Variants in CD164 observed in about 807,000 individuals in gnomAD.
The protein encoded by CD164 is CD164 molecule.
In CD164, 11 loss-of-function variants were observed where a neutral mutation model predicts 24.6. The ratio of observed to expected loss-of-function variants is 0.45; its 90% confidence interval spans 0.28 to 0.74. CD164 has a LOEUF of 0.74. Among genes scored for constraint, CD164 ranks in the 30% least tolerant of loss-of-function variants. The pLI is 0.13. For missense variants in CD164, 295 were observed against 243.7 expected (o/e 1.21, Z -1.40); for synonymous variants, 126 against 100.3 (o/e 1.26, Z -1.53).
chr6:109,375,181 A>G (rs1166401744), intron 4 of CD164, among the ~76,000 whole-genome samples: 1 of 152,214 alleles, frequency 6.6e-6, no homozygotes, highest in Non-Finnish European at 1.5e-5. Context: ...TGACCTAGAA[A>G]TTCTGTTTGA....
chr6:109,382,373 CGA>C lies in CD164; in HGVS notation c.4_5del (p.Ser2AlafsTer60). The C allele has an allele frequency of 6.5e-7, 1 of 1,540,174 alleles. No homozygotes were observed. The highest frequency in any genetic ancestry group is 8.7e-7 in the Non-Finnish European group (1 of 1,148,786). Reference protein sequence around the residue: MSRLSRSLLWAA... With the variant: MXRLSRSLLWAA... Reference sequence around the variant, plus strand: ...CCCAAAGCAGTGAGCGGGAGAGCCGCGACATCGTGTCCTCAGCGCTGGCGTTC... The same window carrying C: ...CCCAAAGCAGTGAGCGGGAGAGCCGCCATCGTGTCCTCAGCGCTGGCGTTC... On this transcript the variant is annotated frameshift_variant, in exon 1 of 6. Transcript: ENST00000310786. LOFTEE classifies it high-confidence loss of function.
intron 1 of CD164, chr6:109,381,588 T>TG (rs1186141560): frequency 2.8e-6 from 2 of 702,550 alleles, no homozygotes; most frequent in Non-Finnish European, 5.2e-6. Context: ...CTTTGAAGTG[T>TG]GAAGTTTTCA....
intron 1 of CD164, 36 bp from the exon 2 acceptor site, chr6:109,379,698 G>T: frequency 4.9e-6 from 7 of 1,440,980 alleles, no homozygotes; most frequent in South Asian, 1.2e-5. Flanking sequence ...TGAAATCAAT[G>T]ATTTTATTAG....
At chr6:109,378,898 A>AC (rs1554216199) in intron 2 of CD164, among the ~76,000 whole-genome samples, 1 of 151,768 alleles carries the variant, frequency 6.6e-6, no homozygotes, top group Non-Finnish European at 1.5e-5. Context: ...TAAAAAAAAA[A>AC]CCGCCAAAAC....
At chr6:109,373,038 G>C (rs1259643553) in intron 4 of CD164, among the ~76,000 whole-genome samples, 1 of 151,618 alleles carries the variant, frequency 6.6e-6, no homozygotes, top group Non-Finnish European at 1.5e-5. Context: ...GATTCATTAG[G>C]AAAGGTTAAA....
intron 4 of CD164, among the ~76,000 whole-genome samples, chr6:109,375,617 C>CAAAAAAAAAAAGAA (rs1771350430): frequency 1.4e-5 from 1 of 71,388 alleles, no homozygotes; most frequent in Non-Finnish European, 3.5e-5. Flanking sequence ...ACTTCGCTTC[C>CAAAAAAAAAAAGAA]AAAAAAAAAA....
chr6:109,376,829 TTAAAG>T (rs1160546383), intron 3 of CD164, among the ~76,000 whole-genome samples: 1 of 152,232 alleles, frequency 6.6e-6, no homozygotes, highest in African/African-American at 2.4e-5. Flanking sequence ...CTAACACATA[TTAAAG>T]TAATTACTTA....
chr6:109,382,327 G>A lies in CD164; in HGVS notation c.52C>T (p.Leu18Phe), dbSNP rs770909406. ...TTCTTGTCCGCGGACAGCACGCAGA[G>A]CACGCCCAGGCAGGTGGCGGCCCAA... ...LLWAATCLGV[L>F]CVLSADKNTT... Residue 18 changes from leucine to phenylalanine, a missense_variant, in exon 1 of 6, where the codon CTC becomes TTC. By Grantham distance (22) the Leu-to-Phe change is conservative. Transcript: ENST00000310786. The A allele has an allele frequency of 6.4e-7, 1 of 1,571,194 alleles. No homozygotes were observed. The highest frequency in any genetic ancestry group is 1.2e-5 in the South Asian group (1 of 85,694).
At chr6:109,376,379 C>G (rs570397429) in intron 3 of CD164, among the ~76,000 whole-genome samples, 14 of 152,308 alleles carry the variant, frequency 9.2e-5, no homozygotes, top group African/African-American at 3.4e-4. Context: ...CACGCATAAC[C>G]TCTAGGAAGC....
intron 4 of CD164, among the ~76,000 whole-genome samples, chr6:109,375,281 G>C (rs924793673): frequency 6.6e-6 from 1 of 152,018 alleles, no homozygotes; most frequent in Admixed American, 6.5e-5. Context: ...CTCTAATCAA[G>C]AGCAGGATGG....
At chr6:109,380,802 TAC>T (rs1160754863) in intron 1 of CD164, among the ~76,000 whole-genome samples, 2 of 152,180 alleles carry the variant, frequency 1.3e-5, no homozygotes, top group Non-Finnish European at 2.9e-5. Context: ...AACCTTCTCT[TAC>T]ACACACACTA....
chr6:109,373,055 T>C (rs1036673695), intron 4 of CD164, among the ~76,000 whole-genome samples: 4 of 151,802 alleles, frequency 2.6e-5, no homozygotes, highest in Admixed American at 2.6e-4. Flanking sequence ...TAAAAAAAAA[T>C]AATAATAATC....
chr6:109,370,104 C>T (rs1017487536), intron 5 of CD164, among the ~76,000 whole-genome samples: 2 of 152,128 alleles, frequency 1.3e-5, no homozygotes, highest in Non-Finnish European at 2.9e-5. Flanking sequence ...CAATCCCTAA[C>T]GGTAATCAGA....
rs775223140 is a variant in CD164 at position 109,379,678 on chromosome 6, G to C, written c.176-16C>G. 3 of 1,588,030 alleles carry C rather than the reference G, an allele frequency of 1.9e-6. No homozygotes were observed. In the East Asian group the frequency reaches 6.7e-5, roughly 36 times the overall value. On this transcript the variant is annotated splice_polypyrimidine_tract_variant and intron_variant, in intron 1 of 5. Transcript: ENST00000310786. The stretch of plus-strand genomic sequence containing the variant: ...TCACAGGTTTCTGGGGAGTTGGGGG[G>C]AGAGATGCATGAAATCAATGATTTT...
chr6:109,369,329 G>A (rs901371714), intron 5 of CD164, among the ~76,000 whole-genome samples: 1 of 152,186 alleles, frequency 6.6e-6, no homozygotes, highest in Non-Finnish European at 1.5e-5. Flanking sequence ...AATTTCTTCA[G>A]ACTATGTACT....
Position 109,382,229 on chromosome 6 carries a change from G to T in CD164, c.150C>A (p.Leu50=). The T allele has an allele frequency of 6.3e-7, 1 of 1,580,398 alleles. No individual in the cohort carries two copies. The change falls in exon 1 of 6, where the codon CTC becomes CTA. Residue 50 remains leucine, a synonymous_variant. Transcript: ENST00000310786. The part of the protein sequence containing the change: ...SNVTSAPVTS[L]PLVTTPAPET... The stretch of plus-strand genomic sequence containing the variant: ...CTGGTGCCGGAGTGGTGACCAGCGG[G>T]AGGGACGTCACCGGCGCCGAGGTTA...
In CD164 at chr6:109,367,581, TA is replaced by T. The variant is rs1770832220; in HGVS notation, c.*1269del. On this transcript the variant is annotated 3_prime_UTR_variant, in exon 6 of 6. Coordinates refer to ENST00000310786, the MANE Select transcript of CD164 (RefSeq NM_006016.6). ...GTTAAAGTATGCATGCTTATTATAC[TA>T]TGGGAAACCAAGAAGGAAGGGAGAG... 1 of 152,528 alleles carries T rather than the reference TA, an allele frequency of 6.6e-6. No homozygotes were observed. The highest frequency in any genetic ancestry group is 1.5e-5 in the Non-Finnish European group (1 of 67,984). The allele number at this position is 152,528 out of a possible 1,614,324, so 9.4% of individuals were successfully genotyped here.
intron 5 of CD164, 139 bp from the exon 6 acceptor site, chr6:109,369,156 T>C: frequency 1.4e-6 from 1 of 735,750 alleles, no homozygotes; most frequent in South Asian, 1.9e-5. Flanking sequence ...CTAGAATTTA[T>C]CCCTAATTGA....
At chr6:109,370,644 T>G in intron 4 of CD164, 177 bp from the exon 5 acceptor site, 1 of 538,940 alleles carries the variant, frequency 1.9e-6, no homozygotes, top group Non-Finnish European at 3.3e-6. Flanking sequence ...AATACTAGGA[T>G]TTAAGTGTAT....
Sources: gnomAD v4.1 joint callset for allele counts (sites outside exome capture counted in the v4.1 genomes callset) on GRCh38, gnomAD v4.1.1 for gene constraint, MANE v1.5 for transcripts, NCBI Gene and HGNC (gene_info 2026-07-23, HGNC 2026-07-21) for gene names.